Variants in TSNARE1 observed in about 807,000 individuals in gnomAD.
TSNARE1 encodes the protein t-SNARE domain-containing protein 1.
A neutral mutation model predicts 62.0 loss-of-function variants in TSNARE1; 49 were observed. The ratio of observed to expected loss-of-function variants is 0.79; its 90% CI spans 0.63 to 1.00. The LOEUF (loss-of-function observed/expected upper bound fraction) is 1.00. Ranked by LOEUF, TSNARE1 falls within the 50% of genes least tolerant of loss-of-function variation. TSNARE1 has a pLI of 0.00. For missense variants in TSNARE1, 755 were observed against 700.1 expected (o/e 1.08, Z -0.88); for synonymous variants, 328 against 294.4 (o/e 1.11, Z -1.17).
chr8:142,306,314 G>C (rs1452951143), intron 9 of TSNARE1, among the ~76,000 whole-genome samples: 1 of 152,232 alleles, frequency 6.6e-6, no homozygotes, highest in Non-Finnish European at 1.5e-5. Context: ...GCCCGTGAGA[G>C]TGAAGCAGGT....
intron 4 of TSNARE1, among the ~76,000 whole-genome samples, chr8:142,335,688 A>G (rs911134403): frequency 6.6e-6 from 1 of 152,230 alleles, no homozygotes; most frequent in African/African-American, 2.4e-5. Context: ...GTTAAAGCCA[A>G]CATGAAGGCC....
intron 8 of TSNARE1, 28 bp from the exon 9 acceptor site, chr8:142,314,468 G>C (rs766358395): frequency 6.2e-7 from 1 of 1,607,132 alleles, no homozygotes; most frequent in East Asian, 2.2e-5. Context: ...AGAGAAGAAA[G>C]ACAGGAAGAG....
chr8:142,327,429 C>A (rs1419242522), intron 6 of TSNARE1, among the ~76,000 whole-genome samples: 5 of 151,858 alleles, frequency 3.3e-5, no homozygotes, highest in Non-Finnish European at 5.9e-5. Context: ...GGGCACGGTT[C>A]TGCACAAGCT....
chr8:142,384,439 C>T lies in TSNARE1; in HGVS notation c.-40+18665G>A, dbSNP rs565062792. ...CCTGATTTCAAAACACGCTACAAAG[C>T]TACAGTAATCAAAACAGTATGGTAG... On this transcript the variant is annotated intron_variant, in intron 1 of 13. Transcript: ENST00000524325. 2.6e-5 allele frequency among the ~76,000 whole-genome samples: 4 copies of T among 152,294 alleles called. No homozygotes were observed. The South Asian group carries it at 8.3e-4, about 32-fold the overall frequency.
At chr8:142,257,360 G>C (rs1359112825) in intron 12 of TSNARE1, among the ~76,000 whole-genome samples, 1 of 152,158 alleles carries the variant, frequency 6.6e-6, no homozygotes, top group Non-Finnish European at 1.5e-5. Context: ...GGAGCTCCCC[G>C]CAAGCCCGAG....
intron 9 of TSNARE1, among the ~76,000 whole-genome samples, chr8:142,301,633 G>A (rs1436244039): frequency 6.6e-6 from 1 of 152,250 alleles, no homozygotes; most frequent in African/African-American, 2.4e-5. Flanking sequence ...GTGCCTGTGT[G>A]GTTGTGGGAT....
At chr8:142,274,470 G>A in intron 12 of TSNARE1, 1 of 985,496 alleles carries the variant, frequency 1.0e-6, no homozygotes, top group Non-Finnish European at 1.2e-6. Flanking sequence ...GGCACAGGAG[G>A]TGGAGCGGGA....
In TSNARE1 at chr8:142,269,383, C is replaced by A. The variant is rs1416121752; in HGVS notation, c.1446+5398G>T. On this transcript the variant is annotated intron_variant, in intron 12 of 13. Coordinates refer to ENST00000524325, the MANE Select transcript of TSNARE1 (RefSeq NM_145003.5). The stretch of plus-strand genomic sequence containing the variant: ...ACACAGTGTGGGGTGAAGGTTGGGG[C>A]TCAGCTAGCACCAGAGTAGAGGCTG... 5.1e-6 allele frequency: 5 copies of A among 972,146 alleles called. No individual in the cohort carries two copies. In the East Asian group the frequency reaches 5.7e-4, roughly 111 times the overall value. 60.2% of individuals were successfully genotyped at this position (972,146 alleles called of 1,614,324 possible).
intron 12 of TSNARE1, among the ~76,000 whole-genome samples, chr8:142,261,768 G>A (rs1430314606): frequency 6.6e-6 from 1 of 152,132 alleles, no homozygotes; most frequent in Non-Finnish European, 1.5e-5. Context: ...GGCATAGAGG[G>A]GTCTGAGGCT....
intron 2 of TSNARE1, among the ~76,000 whole-genome samples, chr8:142,348,803 G>A (rs1833720772): frequency 6.6e-6 from 1 of 152,258 alleles, no homozygotes; most frequent in Non-Finnish European, 1.5e-5. Context: ...GAGCTCTGGG[G>A]AGCTTTCTTC....
intron 1 of TSNARE1, among the ~76,000 whole-genome samples, chr8:142,387,795 T>G (rs1172367710): frequency 1.3e-5 from 2 of 152,038 alleles, no homozygotes; most frequent in African/African-American, 4.8e-5. Context: ...AAGCACCAGG[T>G]CCCAACAATT....
At chr8:142,394,610 C>A (rs1465005882) in intron 1 of TSNARE1, among the ~76,000 whole-genome samples, 1 of 152,198 alleles carries the variant, frequency 6.6e-6, no homozygotes, top group Non-Finnish European at 1.5e-5. Context: ...TACGGCCAGA[C>A]CCCACGGGAT....
intron 1 of TSNARE1, among the ~76,000 whole-genome samples, chr8:142,356,411 G>A (rs1834739738): frequency 6.6e-6 from 1 of 152,230 alleles, no homozygotes; most frequent in South Asian, 2.1e-4. Context: ...GTAGGAGGCA[G>A]GAGATGTCTG....
At position 142,336,675 on chromosome 8, in the gene TSNARE1, C is replaced by G. The variant is rs1292849060; in HGVS notation, c.746-4844G>C. Among the ~76,000 whole-genome samples, 5 of 152,164 alleles carry G rather than the reference C, an allele frequency of 3.3e-5. No individual in the cohort carries two copies. In the East Asian group the frequency reaches 9.6e-4, roughly 29 times the overall value. Reference sequence around the variant, plus strand: ...AAGAGCATAGAGGCCACAGAAACTCCAACACCATCAACCAGCCTAACCCAC... The same window carrying G: ...AAGAGCATAGAGGCCACAGAAACTCGAACACCATCAACCAGCCTAACCCAC... On this transcript the variant is annotated intron_variant, in intron 4 of 13. Transcript: ENST00000524325.
intron 6 of TSNARE1, among the ~76,000 whole-genome samples, chr8:142,327,905 G>C (rs1830486689): frequency 6.6e-6 from 1 of 151,986 alleles, no homozygotes; most frequent in Admixed American, 6.6e-5. Flanking sequence ...CTGGGCAGTG[G>C]GCCAGCAGCC....
intron 1 of TSNARE1, among the ~76,000 whole-genome samples, chr8:142,362,199 A>C (rs1416380324): frequency 6.6e-6 from 1 of 152,204 alleles, no homozygotes; most frequent in Non-Finnish European, 1.5e-5. Context: ...AGGAAAAGTG[A>C]GCACCTTGTC....
intron 9 of TSNARE1, among the ~76,000 whole-genome samples, chr8:142,303,636 G>A (rs1323429442): frequency 6.6e-6 from 1 of 152,222 alleles, no homozygotes; most frequent in Admixed American, 6.5e-5. Context: ...ATGAACCCCG[G>A]CTGGACACCG....
chr8:142,276,042 T>C, intron 11 of TSNARE1: 1 of 985,384 alleles, frequency 1.0e-6, no homozygotes, highest in Non-Finnish European at 1.2e-6. Flanking sequence ...CCTTGAACCC[T>C]TGGTCACCAG....
At chr8:142,268,895 C>T (rs1169626899) in intron 12 of TSNARE1, among the ~76,000 whole-genome samples, 7 of 152,234 alleles carry the variant, frequency 4.6e-5, no homozygotes, top group Admixed American at 3.9e-4. Context: ...TCATCAATGT[C>T]GGTGACGTAG....
Sources: allele counts gnomAD v4.1 joint callset (sites outside exome capture counted in the v4.1 genomes callset), GRCh38; gene constraint gnomAD v4.1.1; transcripts MANE v1.5; gene names NCBI Gene and HGNC (gene_info 2026-07-23, HGNC 2026-07-21).